The following NALCN variants were observed in gnomAD, a reference collection of about 807,000 sequenced individuals.
The protein encoded by NALCN is sodium leak channel, non-selective.
Under a neutral mutation model 225.3 loss-of-function variants are expected in NALCN, and 111 were observed. The observed-to-expected ratio is 0.49, with a 90% CI of 0.42 to 0.58. The LOEUF (loss-of-function observed/expected upper bound fraction) is 0.58, where lower values mean the gene tolerates loss of function less well. NALCN is among the 20% of genes least tolerant of loss of function. NALCN has a pLI of 0.00. For synonymous variants in NALCN, 764 were observed against 769.0 expected, an observed-to-expected ratio of 0.99 and a Z score of 0.11; for missense variants, 1,378 against 2,202.4, an observed-to-expected ratio of 0.63 and a Z score of 7.49.
chr13:101,209,713 GCCTTT>G (rs2040451682), intron 13 of NALCN, among the ~76,000 whole-genome samples: 1 of 152,246 alleles, frequency 6.6e-6, no homozygotes, highest in South Asian at 2.1e-4. Context: ...AGAGAGTGTT[GCCTTT>G]CCTTTCATTT....
chr13:101,409,960 A>G (rs970889879), intron 1 of NALCN, among the ~76,000 whole-genome samples: 1 of 152,192 alleles, frequency 6.6e-6, no homozygotes, highest in African/African-American at 2.4e-5. Context: ...TCATGAGGCC[A>G]TGAAGGTGGA....
Position 101,065,529 on chromosome 13 carries a change from C to T in NALCN, c.4479G>A (p.Leu1493=). Residue 1493 remains leucine (L), a synonymous_variant, in exon 40 of 44, where the codon CTG becomes CTA. Coordinates refer to ENST00000251127, the MANE Select transcript of NALCN (RefSeq NM_052867.4). ...GVIPTFRVKF[L]LRLLRGRLEV... ...CCAGCCTCCCACGCAGTAGCCGCAG[C>T]AGGAACTTGACGCGGAACGTGGGGA... 4.3e-6 allele frequency: 7 copies of T among 1,614,060 alleles called. No homozygotes were observed. The highest frequency in any genetic ancestry group is 1.3e-5 in the African/African-American group (1 of 75,028).
chr13:101,343,244 C>T (rs138510785), intron 7 of NALCN, among the ~76,000 whole-genome samples: 38 of 152,066 alleles, frequency 2.5e-4, no homozygotes, highest in South Asian at 1.7e-3. Flanking sequence ...TAAATTATAA[C>T]GACCATTTAA....
intron 15 of NALCN, among the ~76,000 whole-genome samples, chr13:101,164,290 A>AAGG (rs2038335802): frequency 6.6e-6 from 1 of 151,796 alleles, no homozygotes; most frequent in Non-Finnish European, 1.5e-5. Flanking sequence ...TTCTATCTTT[A>AAGG]TCTTTCTTGG....
intron 10 of NALCN, among the ~76,000 whole-genome samples, chr13:101,277,952 G>T (rs923279779): frequency 6.6e-6 from 1 of 152,222 alleles, no homozygotes; most frequent in East Asian, 1.9e-4. Context: ...GCTCTTTATT[G>T]CCAGATCATT....
chr13:101,110,881 C>T (rs1024007502), intron 19 of NALCN, among the ~76,000 whole-genome samples, 193 bp from the exon 20 acceptor site: 2 of 152,178 alleles, frequency 1.3e-5, no homozygotes, highest in African/African-American at 4.8e-5. Flanking sequence ...AGAATTTTTC[C>T]TTCTGATCTT....
chr13:101,317,707 C>CCT (rs1404061779), intron 7 of NALCN, among the ~76,000 whole-genome samples: 1 of 152,150 alleles, frequency 6.6e-6, no homozygotes, highest in East Asian at 1.9e-4. Flanking sequence ...CACACCCTTA[C>CCT]CTCTACATGG....
intron 13 of NALCN, among the ~76,000 whole-genome samples, chr13:101,218,895 A>G (rs9582466): frequency 0.63 from 95,437 of 151,980 alleles, 30,953 homozygotes; most frequent in African/African-American, 0.8. Context: ...CCAGTCTCAG[A>G]TATTTCTTTA....
At position 101,398,867 on chromosome 13, in the gene NALCN, T is replaced by C. The variant is rs565463978; in HGVS notation, c.108+152A>G. On this transcript the variant is annotated intron_variant, in intron 2 of 43. Coordinates refer to ENST00000251127, the MANE Select transcript of NALCN (RefSeq NM_052867.4). ...CTCATAGCGACATCTCACTATTTCA[T>C]TGGATTGTTCTCTACTTCCAGACTC... The C allele has an allele frequency of 1.1e-4, 63 of 551,592 alleles. 1 individual carries two copies. Among genetic ancestry groups the C allele is most frequent in the South Asian group, 9.9e-4 (50 of 50,444 alleles). The allele number at this position is 551,592 out of a possible 1,614,324, so 34.2% of individuals were successfully genotyped here. A position where few individuals can be genotyped will look rare whatever the true frequency, so the allele number is the denominator to read the frequency against.
chr13:101,301,308 G>T (rs574543329), intron 7 of NALCN, among the ~76,000 whole-genome samples: 1 of 152,334 alleles, frequency 6.6e-6, no homozygotes, highest in South Asian at 2.1e-4. Flanking sequence ...CTGAGAGTAA[G>T]GGTAGCAAAG....
intron 33 of NALCN, 82 bp downstream of exon 33, chr13:101,082,727 G>GT: frequency 7.3e-7 from 1 of 1,371,494 alleles, no homozygotes; most frequent in Non-Finnish European, 1.0e-6. Context: ...AGAGAGGAGA[G>GT]TAAGTGGCAT....
At chr13:101,249,770 A>G (rs2042007866) in intron 11 of NALCN, among the ~76,000 whole-genome samples, 1 of 152,136 alleles carries the variant, frequency 6.6e-6, no homozygotes, top group African/African-American at 2.4e-5. Context: ...AAAGGCATCT[A>G]TAAAAACCTA....
At chr13:101,112,998 A>G (rs1028061829) in intron 18 of NALCN, among the ~76,000 whole-genome samples, 4 of 152,202 alleles carry the variant, frequency 2.6e-5, no homozygotes, top group Non-Finnish European at 5.9e-5. Flanking sequence ...TAAGTCCTTA[A>G]AAATGTTTTT....
intron 30 of NALCN, among the ~76,000 whole-genome samples, chr13:101,088,440 G>A (rs2034039326): frequency 1.3e-5 from 2 of 152,150 alleles, no homozygotes; most frequent in South Asian, 4.1e-4. Flanking sequence ...AATGCAGAGT[G>A]AAGGTTGACT....
intron 10 of NALCN, among the ~76,000 whole-genome samples, chr13:101,269,211 CATATAT>C (rs60240326): frequency 0.14 from 20,377 of 145,234 alleles, 1,976 homozygotes; most frequent in African/African-American, 0.28. Flanking sequence ...AGAAAAAGCT[CATATAT>C]ATATATATAT....
intron 11 of NALCN, among the ~76,000 whole-genome samples, chr13:101,252,046 T>C (rs1339938094): frequency 6.6e-6 from 1 of 152,206 alleles, no homozygotes; most frequent in Non-Finnish European, 1.5e-5. Context: ...TCTTGTAGAG[T>C]CACTAAAATT....
chr13:101,352,201 A>T (rs2045925633), intron 6 of NALCN, among the ~76,000 whole-genome samples: 1 of 152,204 alleles, frequency 6.6e-6, no homozygotes, highest in Non-Finnish European at 1.5e-5. Context: ...TAAAAAAGGA[A>T]TGACCACAGG....
chr13:101,160,641 C>T (rs1035778550), intron 15 of NALCN, among the ~76,000 whole-genome samples: 1 of 151,996 alleles, frequency 6.6e-6, no homozygotes, highest in Non-Finnish European at 1.5e-5. Context: ...TCTGCCTGTT[C>T]TGTTTTTTGT....
intron 1 of NALCN, among the ~76,000 whole-genome samples, chr13:101,404,495 T>A (rs59030142): frequency 0.015 from 2,354 of 152,274 alleles, 52 homozygotes; most frequent in East Asian, 0.088. Flanking sequence ...TTCTAGAGAC[T>A]CAATCATTTT....
Sources: allele counts gnomAD v4.1 joint callset (sites outside exome capture counted in the v4.1 genomes callset), GRCh38; gene constraint gnomAD v4.1.1; transcripts MANE v1.5; gene names NCBI Gene and HGNC (gene_info 2026-07-23, HGNC 2026-07-21).